Variants in NCAM2 observed in about 807,000 individuals in gnomAD.
NCAM2 encodes N-CAM-2.
A neutral mutation model predicts 98.1 loss-of-function variants in NCAM2; 30 were observed. The ratio of observed to expected loss-of-function variants is 0.31; its 90% CI spans 0.23 to 0.41. The LOEUF (loss-of-function observed/expected upper bound fraction) is 0.41, where lower values mean the gene tolerates loss of function less well. Among genes scored for constraint, NCAM2 ranks in the 10% least tolerant of loss-of-function variants. NCAM2 has a pLI of 1.00. For synonymous variants in NCAM2, 368 were observed against 342.4 expected, an observed-to-expected ratio of 1.07 and a Z score of -0.83; for missense variants, 867 against 1,005.8, an observed-to-expected ratio of 0.86 and a Z score of 1.87.
At chr21:21,164,791 T>C (rs2067899521) in intron 1 of NCAM2, among the ~76,000 whole-genome samples, 1 of 152,156 alleles carries the variant, frequency 6.6e-6, no homozygotes, top group Admixed American at 6.5e-5. Flanking sequence ...AGGGGTCAAA[T>C]AGTGAATCAA....
At chr21:21,500,564 C>G (rs1987561374) in intron 15 of NCAM2, among the ~76,000 whole-genome samples, 2 of 151,928 alleles carry the variant, frequency 1.3e-5, no homozygotes, top group South Asian at 4.1e-4. Context: ...GTAATTACAA[C>G]ACATGCAAAT....
chr21:21,174,409 G>A (rs2068218730), intron 1 of NCAM2, among the ~76,000 whole-genome samples: 2 of 152,040 alleles, frequency 1.3e-5, no homozygotes, highest in Admixed American at 1.3e-4. Flanking sequence ...ATATTTCTAG[G>A]AAAAAATATT....
At position 21,541,684 on chromosome 21, in the gene NCAM2, A is replaced by G. The variant is rs1990238970; in HGVS notation, c.*3727A>G. ...GATTATCACTGACGAAAATATGTAC[A>G]GTTCAAGAAGTAGAAATAATATTTT... On this transcript the variant is annotated 3_prime_UTR_variant, in exon 18 of 18. Transcript: ENST00000400546. 6.6e-6 allele frequency: 1 copy of G among 151,742 alleles called. No individual in the cohort carries two copies. The highest frequency in any genetic ancestry group is 2.4e-5 in the African/African-American group (1 of 41,414). The allele number at this position is 151,742 out of a possible 1,614,324, so 9.4% of individuals were successfully genotyped here.
At chr21:21,508,330 T>C (rs9981968) in intron 15 of NCAM2, among the ~76,000 whole-genome samples, 20,959 of 152,222 alleles carry the variant, frequency 0.14, 1,624 homozygotes, top group Middle Eastern at 0.22. Flanking sequence ...TTTAAATACA[T>C]TCTCTGTTAA....
At chr21:21,175,740 A>G (rs1336928993) in intron 1 of NCAM2, among the ~76,000 whole-genome samples, 1 of 152,174 alleles carries the variant, frequency 6.6e-6, no homozygotes, top group East Asian at 1.9e-4. Flanking sequence ...TTATTCAGAG[A>G]AGGAAGCCAT....
intron 1 of NCAM2, among the ~76,000 whole-genome samples, chr21:21,097,654 G>C (rs938089952): frequency 2.6e-5 from 4 of 151,502 alleles, no homozygotes; most frequent in African/African-American, 7.3e-5. Flanking sequence ...CAAGCTGGCT[G>C]TTTCAGATCC....
chr21:21,302,937 A>T (rs1399525790), intron 5 of NCAM2, among the ~76,000 whole-genome samples: 1 of 152,176 alleles, frequency 6.6e-6, no homozygotes, highest in Admixed American at 6.6e-5. Flanking sequence ...GAATGAAGTC[A>T]TGTCCTTTGC....
chr21:21,424,878 A>C (rs1276290736), intron 11 of NCAM2, among the ~76,000 whole-genome samples: 1 of 151,620 alleles, frequency 6.6e-6, no homozygotes, highest in African/African-American at 2.4e-5. Flanking sequence ...CTAGAAATAC[A>C]AAAAAATATT....
At chr21:21,192,272 GAGA>G (rs2068848771) in intron 1 of NCAM2, among the ~76,000 whole-genome samples, 1 of 151,746 alleles carries the variant, frequency 6.6e-6, no homozygotes, top group South Asian at 2.1e-4. Flanking sequence ...CCGATGAGAG[GAGA>G]AGAAGCAAAT....
intron 1 of NCAM2, among the ~76,000 whole-genome samples, chr21:21,049,920 T>G (rs1176753056): frequency 2.6e-5 from 4 of 152,098 alleles, no homozygotes; most frequent in Non-Finnish European, 4.4e-5. Flanking sequence ...ATAAATGGGT[T>G]TTTGAAGATG....
At chr21:21,353,569 G>A (rs1004303400) in intron 8 of NCAM2, among the ~76,000 whole-genome samples, 3 of 152,040 alleles carry the variant, frequency 2.0e-5, no homozygotes, top group Admixed American at 6.6e-5. Context: ...AGATTCTCAG[G>A]CCACTCTTAA....
At position 21,292,100 on chromosome 21, in the gene NCAM2, C is replaced by G. The variant is rs765315095; in HGVS notation, c.482-4C>G. 1.9e-6 allele frequency: 3 copies of G among 1,606,676 alleles called. No individual in the cohort carries two copies. Among genetic ancestry groups the G allele is most frequent in the Non-Finnish European group, 2.6e-6 (3 of 1,176,378 alleles). On this transcript the variant is annotated splice_polypyrimidine_tract_variant and splice_region_variant and intron_variant, in intron 4 of 17. Transcript: ENST00000400546. ...CCATTTTCTCCCCTTTGCTTTCTTT[C>G]CAGATCGGTTCGCTATGTTAGCAAA...
intron 5 of NCAM2, among the ~76,000 whole-genome samples, chr21:21,295,239 A>C (rs1215470784): frequency 2.0e-5 from 1 of 50,754 alleles, no homozygotes; most frequent in Non-Finnish European, 3.7e-5. Flanking sequence ...CTATCCTACC[A>C]ATTCATACTC....
chr21:21,056,344 CT>C (rs544038620), intron 1 of NCAM2, among the ~76,000 whole-genome samples: 37 of 152,038 alleles, frequency 2.4e-4, no homozygotes, highest in East Asian at 2.3e-3. Flanking sequence ...ATTTGACTTT[CT>C]TTTTTTCCCC....
At chr21:21,222,238 ATGT>A (rs1051207865) in intron 1 of NCAM2, among the ~76,000 whole-genome samples, 2 of 152,282 alleles carry the variant, frequency 1.3e-5, no homozygotes, top group Admixed American at 1.3e-4. Flanking sequence ...AAGAAGATAA[ATGT>A]TGTTTTCATG....
chr21:21,270,753 G>A (rs1165295953), intron 1 of NCAM2, among the ~76,000 whole-genome samples: 1 of 151,808 alleles, frequency 6.6e-6, no homozygotes, highest in Non-Finnish European at 1.5e-5. Context: ...TTAATTTTTT[G>A]GTGAGCCCAG....
chr21:21,501,573 A>C (rs1987635808), intron 15 of NCAM2, among the ~76,000 whole-genome samples: 1 of 150,356 alleles, frequency 6.7e-6, no homozygotes, highest in Non-Finnish European at 1.5e-5. Flanking sequence ...CTATTTTATT[A>C]GACAGTCAAT....
chr21:21,406,420 G>T lies in NCAM2; in HGVS notation c.1196-3854G>T, dbSNP rs147720309. Among the ~76,000 whole-genome samples the T allele has an allele frequency of 9.3e-4, 141 of 152,276 alleles. 2 individuals carry two copies. The East Asian group carries it at 0.02, about 22-fold the overall frequency. ...TAGCAAGAGTGATCAGAAATCAAGG[G>T]TGCGGGAACTCTTATAAATGGATTT... On this transcript the variant is annotated intron_variant, in intron 9 of 17. Coordinates refer to ENST00000400546, the MANE Select transcript of NCAM2 (RefSeq NM_004540.5).
intron 15 of NCAM2, among the ~76,000 whole-genome samples, chr21:21,498,406 A>G (rs1338231537): frequency 2.6e-5 from 4 of 152,220 alleles, no homozygotes; most frequent in East Asian, 1.9e-4. Context: ...TACTAGCATT[A>G]CATACTTTTT....
Sources: allele counts gnomAD v4.1 joint callset (sites outside exome capture counted in the v4.1 genomes callset), GRCh38; gene constraint gnomAD v4.1.1; transcripts MANE v1.5; gene names NCBI Gene and HGNC (gene_info 2026-07-23, HGNC 2026-07-21).